GSE1: variants seen among roughly 807,000 people sequenced by gnomAD.
GSE1 encodes Gse1 coiled-coil protein, also known as genetic suppressor element 1.
A neutral mutation model predicts 112.6 loss-of-function variants in GSE1; 32 were observed. The observed-to-expected ratio is 0.28, with a 90% confidence interval of 0.21 to 0.38. The LOEUF (loss-of-function observed/expected upper bound fraction) is 0.38, where lower values mean the gene tolerates loss of function less well. GSE1 is among the 10% of genes least tolerant of loss of function. GSE1 has a pLI of 1.00. For missense variants in GSE1, 2,348 were observed against 1,699.2 expected (o/e 1.38, Z -6.71); for synonymous variants, 1,115 against 735.6 (o/e 1.52, Z -8.35).
intron 1 of GSE1, among the ~76,000 whole-genome samples, chr16:85,289,233 C>T (rs1242138482): frequency 2.0e-5 from 3 of 152,168 alleles, no homozygotes; most frequent in Admixed American, 1.3e-4. Context: ...CCTGCAGTCC[C>T]AGAGGCTCTT....
intron 2 of GSE1, among the ~76,000 whole-genome samples, chr16:85,357,857 C>T (rs1478695210): frequency 6.6e-6 from 1 of 152,152 alleles, no homozygotes; most frequent in Non-Finnish European, 1.5e-5. Context: ...CATCAACATC[C>T]CTGGTTCTCG....
chr16:85,500,801 G>C (rs1307487291), intron 2 of GSE1, among the ~76,000 whole-genome samples: 1 of 152,092 alleles, frequency 6.6e-6, no homozygotes, highest in Non-Finnish European at 1.5e-5. Flanking sequence ...GTCCCAGATC[G>C]AGGTGTCTGC....
intron 11 of GSE1, 44 bp from the exon 12 acceptor site, chr16:85,664,971 A>T (rs1437667341): frequency 7.8e-7 from 1 of 1,276,730 alleles, no homozygotes; most frequent in South Asian, 1.2e-5. Context: ...CTCTCCAAAA[A>T]ATGATGCAAC....
chr16:85,211,444 C>A (rs2075223734), intron 1 of GSE1, among the ~76,000 whole-genome samples: 1 of 152,176 alleles, frequency 6.6e-6, no homozygotes, highest in Non-Finnish European at 1.5e-5. Context: ...AGTGTGAGAA[C>A]TGCGTTCCTG....
intron 2 of GSE1, among the ~76,000 whole-genome samples, chr16:85,520,728 TC>T (rs766608901): frequency 2.6e-5 from 4 of 152,116 alleles, no homozygotes; most frequent in Non-Finnish European, 5.9e-5. Context: ...TAGCCCCTGC[TC>T]CTATTTTTAT....
intron 1 of GSE1, among the ~76,000 whole-genome samples, chr16:85,584,135 C>A (rs2046577632): frequency 6.6e-6 from 1 of 152,180 alleles, no homozygotes; most frequent in African/African-American, 2.4e-5. Context: ...GGCCTTGGGT[C>A]TTTGTGTGCG....
intron 2 of GSE1, chr16:85,359,440 G>C (rs1484065905): frequency 2.2e-6 from 1 of 455,838 alleles, no homozygotes; most frequent in Non-Finnish European, 4.4e-6. Flanking sequence ...TTGGGGAGCA[G>C]GCCCACCCAC....
At chr16:85,359,030 G>A (rs1049267735) in intron 2 of GSE1, among the ~76,000 whole-genome samples, 9 of 152,186 alleles carry the variant, frequency 5.9e-5, no homozygotes, top group Non-Finnish European at 1.2e-4. Flanking sequence ...GCCAGGACCC[G>A]AGCGTGTTTG....
intron 1 of GSE1, among the ~76,000 whole-genome samples, chr16:85,289,949 G>A (rs1241903675): frequency 6.6e-6 from 1 of 152,206 alleles, no homozygotes; most frequent in Non-Finnish European, 1.5e-5. Context: ...TCTGGCTGGA[G>A]CCCAGGAATT....
intron 1 of GSE1, among the ~76,000 whole-genome samples, chr16:85,314,709 G>C (rs1265748119): frequency 6.6e-6 from 1 of 152,128 alleles, no homozygotes; most frequent in African/African-American, 2.4e-5. Context: ...GAGCTCCGCC[G>C]TCTCCCCCGC....
chr16:85,388,757 A>G (rs540195079), intron 2 of GSE1, among the ~76,000 whole-genome samples: 3 of 152,212 alleles, frequency 2.0e-5, no homozygotes, highest in South Asian at 4.1e-4. Flanking sequence ...GAAAGATGGA[A>G]AAAGGGCAGG....
intron 1 of GSE1, among the ~76,000 whole-genome samples, chr16:85,627,655 T>C (rs1286517949): frequency 6.6e-6 from 1 of 151,810 alleles, no homozygotes; most frequent in African/African-American, 2.4e-5. Context: ...GCTTGTACAG[T>C]GCGGAGACAG....
intron 1 of GSE1, among the ~76,000 whole-genome samples, chr16:85,263,095 A>T (rs11864292): frequency 0.025 from 3,742 of 152,034 alleles, 161 homozygotes; most frequent in African/African-American, 0.085. Context: ...CTAATTAGCG[A>T]CGCGTAGTGA....
At chr16:85,377,781 AG>A (rs1597533464) in intron 2 of GSE1, among the ~76,000 whole-genome samples, 2 of 152,332 alleles carry the variant, frequency 1.3e-5, no homozygotes, top group East Asian at 3.9e-4. Context: ...GCAGGGTTGC[AG>A]GAGGAGGCTC....
intron 2 of GSE1, among the ~76,000 whole-genome samples, chr16:85,529,192 G>C (rs1417536110): frequency 6.6e-6 from 1 of 152,140 alleles, no homozygotes; most frequent in Non-Finnish European, 1.5e-5. Flanking sequence ...ACTGGAGTGG[G>C]GGTGGGGGTG....
intron 2 of GSE1, among the ~76,000 whole-genome samples, chr16:85,504,387 G>A (rs1324780921): frequency 6.6e-6 from 1 of 152,254 alleles, no homozygotes; most frequent in African/African-American, 2.4e-5. Flanking sequence ...GAGACCCAGA[G>A]GTCTGGCTTT....
intron 1 of GSE1, among the ~76,000 whole-genome samples, chr16:85,258,075 C>T (rs1466619249): frequency 1.3e-5 from 2 of 152,204 alleles, no homozygotes; most frequent in Non-Finnish European, 2.9e-5. Flanking sequence ...CCCCCATGGG[C>T]AAAACATTCT....
chr16:85,575,138 G>A (rs2046175084), intron 1 of GSE1, among the ~76,000 whole-genome samples: 1 of 151,846 alleles, frequency 6.6e-6, no homozygotes, highest in Non-Finnish European at 1.5e-5. Context: ...ACACCTTGGC[G>A]CTACAGAATG....
Position 85,331,405 on chromosome 16 carries a change from A to G in GSE1, c.2284-26058A>G, listed in dbSNP as rs184924359. Among the ~76,000 whole-genome samples the G allele has an allele frequency of 5.0e-3, 711 of 141,682 alleles. 20 individuals carry two copies. The highest frequency in any genetic ancestry group is 0.018 in the African/African-American group (680 of 38,726). 92.9% of individuals were successfully genotyped at this position (141,682 alleles called of 152,430 possible). ...TATGTATATATATGTGTATATATGT[A>G]TATATATGCGTATATATGTATATAT... On this transcript the variant is annotated intron_variant, in intron 1 of 2. Transcript: ENST00000637419.
Sources: gnomAD v4.1 joint callset for allele counts (sites outside exome capture counted in the v4.1 genomes callset) on GRCh38, gnomAD v4.1.1 for gene constraint, MANE v1.5 for transcripts, NCBI Gene and HGNC (gene_info 2026-07-23, HGNC 2026-07-21) for gene names.